Variants in CLCN6 observed in about 807,000 individuals in gnomAD.
The protein encoded by CLCN6 is H(+)/Cl(-) exchange transporter 6.
Under a neutral mutation model 109.8 loss-of-function variants are expected in CLCN6, and 70 were observed. The ratio of observed to expected loss-of-function variants is 0.64; its 90% CI spans 0.53 to 0.78. CLCN6 has a LOEUF of 0.78. Ranked by LOEUF, CLCN6 falls within the 30% of genes least tolerant of loss-of-function variation. The probability of loss-of-function intolerance (pLI) is 0.00; values close to 1 mark genes in which losing one functional copy is unlikely to be tolerated. For synonymous variants in CLCN6, 444 were observed against 447.8 expected, an observed-to-expected ratio of 0.99 and a Z score of 0.11; for missense variants, 984 against 1,142.3, an observed-to-expected ratio of 0.86 and a Z score of 2.00.
At chr1:11,819,989 AAG>A (rs1181925153) in intron 5 of CLCN6, among the ~76,000 whole-genome samples, 3 of 152,220 alleles carry the variant, frequency 2.0e-5, no homozygotes, top group Non-Finnish European at 4.4e-5. Flanking sequence ...AGGGAAAAAA[AAG>A]TCATAAAATT....
rs561201746 is a variant in CLCN6 at position 11,829,094 on chromosome 1, G to A, written c.1122-102G>A. On this transcript the variant is annotated intron_variant, in intron 12 of 22. Transcript: ENST00000346436. ...CTGACCAGGGGCTGCTGTGAATGCTGTTTGGAGAAATCGGGGCTGGGGGTA... is the reference window on the plus strand; with the variant it reads ...CTGACCAGGGGCTGCTGTGAATGCTATTTGGAGAAATCGGGGCTGGGGGTA... The A allele has an allele frequency of 1.9e-5, 27 of 1,400,700 alleles. No individual in the cohort carries two copies. In the East Asian group the frequency reaches 2.3e-4, roughly 12 times the overall value. 86.8% of individuals were successfully genotyped at this position (1,400,700 alleles called of 1,614,324 possible).
At chr1:11,812,297 G>A (rs898463147) in intron 2 of CLCN6, among the ~76,000 whole-genome samples, 1 of 152,230 alleles carries the variant, frequency 6.6e-6, no homozygotes, top group Non-Finnish European at 1.5e-5. Context: ...AGAACAGCCA[G>A]ATGGAGAGAT....
At position 11,841,764 on chromosome 1, in the gene CLCN6, C is replaced by T. The variant is rs930442456; in HGVS notation, c.*1541C>T. On this transcript the variant is annotated 3_prime_UTR_variant, in exon 23 of 23. Coordinates refer to ENST00000346436, the MANE Select transcript of CLCN6 (RefSeq NM_001286.5). Reference sequence around the variant, plus strand: ...GTCCAGATCTTGCGCTCAGCACACTCTAGGGAATAATTCCACTCCAGAGAT... The same window carrying T: ...GTCCAGATCTTGCGCTCAGCACACTTTAGGGAATAATTCCACTCCAGAGAT... The T allele has an allele frequency of 2.0e-5, 3 of 152,260 alleles. No homozygotes were observed. The highest frequency in any genetic ancestry group is 6.5e-5 in the Admixed American group (1 of 15,288). The allele number at this position is 152,260 out of a possible 1,614,324, so 9.4% of individuals were successfully genotyped here.
intron 4 of CLCN6, among the ~76,000 whole-genome samples, chr1:11,818,560 C>G (rs1239678521): frequency 1.3e-5 from 2 of 152,234 alleles, no homozygotes; most frequent in Non-Finnish European, 2.9e-5. Flanking sequence ...ACTCCCAACT[C>G]TTGTCCATTG....
Position 11,833,577 on chromosome 1 carries a change from C to T in CLCN6, c.1311C>T (p.Asp437=). Residue 437 remains aspartate, a synonymous_variant, in exon 14 of 23, where the codon GAC becomes GAT. Coordinates refer to ENST00000346436, the MANE Select transcript of CLCN6 (RefSeq NM_001286.5). Reference sequence around the variant, plus strand: ...TTTGTCCCAATGATACCTACAATGACATGGCCACACTCTTCTTCAACCCGC... The same window carrying T: ...TTTGTCCCAATGATACCTACAATGATATGGCCACACTCTTCTTCAACCCGC... The part of the protein sequence containing the change: ...TFFCPNDTYN[D]MATLFFNPQE... 2 of 1,614,014 alleles carry T rather than the reference C, an allele frequency of 1.2e-6. No individual in the cohort carries two copies. The highest frequency in any genetic ancestry group is 1.1e-5 in the South Asian group (1 of 91,078).
At chr1:11,822,941 G>T in intron 6 of CLCN6, 140 bp downstream of exon 6, 1 of 628,950 alleles carries the variant, frequency 1.6e-6, no homozygotes, top group African/African-American at 1.8e-5. Context: ...AAAGGTAAAG[G>T]TTTCACCTCT....
intron 20 of CLCN6, 44 bp from the exon 21 acceptor site, chr1:11,838,291 C>A: frequency 6.4e-7 from 1 of 1,563,294 alleles, no homozygotes; most frequent in Non-Finnish European, 8.8e-7. Context: ...ACCCTGCTGG[C>A]CACTGCTGCC....
At chr1:11,827,778 TG>T (rs1644832043) in intron 10 of CLCN6, among the ~76,000 whole-genome samples, 2 of 152,206 alleles carry the variant, frequency 1.3e-5, no homozygotes, top group Admixed American at 1.3e-4. Flanking sequence ...CAGGAAGTGA[TG>T]GGGCTTGGAC....
At chr1:11,807,216 C>A in intron 2 of CLCN6, 26 bp downstream of exon 2, 1 of 1,603,722 alleles carries the variant, frequency 6.2e-7, no homozygotes, top group Non-Finnish European at 8.5e-7. Flanking sequence ...ACTGCTTGGG[C>A]AACTAAAGTA....
At chr1:11,826,021 CG>C (rs1468422882) in intron 8 of CLCN6, 134 bp from the exon 9 acceptor site, 2 of 630,752 alleles carry the variant, frequency 3.2e-6, no homozygotes, top group Non-Finnish European at 5.6e-6. Context: ...CCCCTGATGC[CG>C]TGGATTCCCA....
rs1468963135 is a variant in CLCN6, at chr1:11,815,862, G to A, written c.164G>A (p.Arg55His). 8 of 1,613,576 alleles carry A rather than the reference G, an allele frequency of 5.0e-6. No homozygotes were observed. The highest frequency in any genetic ancestry group is 2.2e-5 in the East Asian group (1 of 44,876). ...TCTTTTCAGAGTTTGGATTATGATCGCTGTATCAATGACCCTTACCTGGAA... is the reference window on the plus strand; with the variant it reads ...TCTTTTCAGAGTTTGGATTATGATCACTGTATCAATGACCCTTACCTGGAA... Reference protein sequence around the residue: ...RKDYESLDYDRCINDPYLEVL... With the variant: ...RKDYESLDYDHCINDPYLEVL... The change falls in exon 3 of 23, where the codon CGC (arginine) becomes CAC (histidine). Residue 55 changes from arginine (R) to histidine (H), a missense_variant. Coordinates refer to ENST00000346436, the MANE Select transcript of CLCN6 (RefSeq NM_001286.5).
chr1:11,836,710 C>G (rs191619885), intron 18 of CLCN6, among the ~76,000 whole-genome samples: 36 of 152,240 alleles, frequency 2.4e-4, no homozygotes, highest in African/African-American at 8.7e-4. Context: ...GGGGCAGGCA[C>G]GTTGATTGAA....
At chr1:11,823,622 C>T in intron 6 of CLCN6, 85 bp from the exon 7 acceptor site, 1 of 1,580,972 alleles carries the variant, frequency 6.3e-7, no homozygotes, top group Non-Finnish European at 8.6e-7. Flanking sequence ...GGCCAGCTCT[C>T]CCTCTTCCGC....
rs1421407967 is a variant in CLCN6, at chr1:11,838,637, C to T, written c.2506C>T (p.Pro836Ser). The change falls in exon 22 of 23, where the codon CCC becomes TCC. Residue 836 changes from proline (P) to serine (S), a missense_variant. Physicochemically the swap from Pro to Ser is moderately conservative, Grantham distance 74 (BLOSUM62 -1). Coordinates refer to ENST00000346436, the MANE Select transcript of CLCN6 (RefSeq NM_001286.5). ...CAGAACGATGGGCCTGCGCCACCTG[C>T]CCGTGGTGAACGCTGTGGGAGAGGT... ...LFRTMGLRHLPVVNAVGEIVG... is the reference protein window; with the variant it reads ...LFRTMGLRHLSVVNAVGEIVG... 6.2e-7 allele frequency: 1 copy of T among 1,614,236 alleles called. No homozygotes were observed. Among genetic ancestry groups the T allele is most frequent in the South Asian group, 1.1e-5 (1 of 91,086 alleles).
At chr1:11,828,317 A>G (rs1431694101) in intron 11 of CLCN6, 98 bp downstream of exon 11, 10 of 1,424,292 alleles carry the variant, frequency 7.0e-6, no homozygotes, top group African/African-American at 2.8e-5. Context: ...GCTAGGTACA[A>G]CTTCCAGGGA....
At chr1:11,817,343 A>G (rs1644686869) in intron 4 of CLCN6, among the ~76,000 whole-genome samples, 1 of 152,206 alleles carries the variant, frequency 6.6e-6, no homozygotes, top group Admixed American at 6.5e-5. Flanking sequence ...GTGGCACACC[A>G]TAGCTATTGA....
Position 11,838,515 on chromosome 1 carries a change from G to A in CLCN6, c.2404-20G>A, listed in dbSNP as rs1644978670. 6.2e-7 allele frequency: 1 copy of A among 1,606,694 alleles called. No homozygotes were observed. The highest frequency in any genetic ancestry group is 8.5e-7 in the Non-Finnish European group (1 of 1,173,894). On this transcript the variant is annotated intron_variant, in intron 21 of 22. Transcript: ENST00000346436. Reference sequence around the variant, plus strand: ...GCCGTTGGCGTCTCAGGCAGTCAGTGACACGTGGTCTCTTTGCAGGATGTC... The same window carrying A: ...GCCGTTGGCGTCTCAGGCAGTCAGTAACACGTGGTCTCTTTGCAGGATGTC...
In CLCN6 at chr1:11,840,331, CCACT is replaced by C. The variant is rs1645004237; in HGVS notation, c.*115_*118del. The C allele has an allele frequency of 1.0e-6, 1 of 975,962 alleles. No individual in the cohort carries two copies. The highest frequency in any genetic ancestry group is 2.4e-5 in the East Asian group (1 of 41,638). The allele number at this position is 975,962 out of a possible 1,614,324, so 60.5% of individuals were successfully genotyped here. Reference sequence around the variant, plus strand: ...CGGGGCATGGAAGATTCCCAGTCACCCACTCACTCAGAAAGCCGGGAGTCATCGG... The same window carrying C: ...CGGGGCATGGAAGATTCCCAGTCACCCACTCAGAAAGCCGGGAGTCATCGG... On this transcript the variant is annotated 3_prime_UTR_variant, in exon 23 of 23. Transcript: ENST00000346436.
At chr1:11,806,539 C>T in intron 1 of CLCN6, 190 bp downstream of exon 1, 2 of 487,960 alleles carry the variant, frequency 4.1e-6, no homozygotes, top group East Asian at 7.1e-5. Context: ...TTCTCATAAC[C>T]CCTCCTGGAA....
Sources: gnomAD v4.1 joint callset for allele counts (sites outside exome capture counted in the v4.1 genomes callset) on GRCh38, gnomAD v4.1.1 for gene constraint, MANE v1.5 for transcripts, NCBI Gene and HGNC (gene_info 2026-07-23, HGNC 2026-07-21) for gene names.